The following CTIF variants were observed in gnomAD, a reference collection of about 807,000 sequenced individuals.
CTIF encodes cap binding complex dependent translation initiation factor.
CTIF carries 21 observed loss-of-function variants against 66.0 expected under a neutral mutation model. That is an observed-to-expected ratio of 0.32 (90% CI 0.23 to 0.46). The LOEUF is 0.46. Among genes scored for constraint, CTIF ranks in the 20% least tolerant of loss-of-function variants. CTIF has a pLI of 1.00. For missense variants in CTIF, 739 were observed against 812.7 expected, an observed-to-expected ratio of 0.91 and a Z score of 1.10; for synonymous variants, 345 against 326.4, an observed-to-expected ratio of 1.06 and a Z score of -0.62.
intron 3 of CTIF, among the ~76,000 whole-genome samples, chr18:48,647,022 C>G (rs75358292): frequency 0.027 from 4,010 of 151,166 alleles, 60 homozygotes; most frequent in Middle Eastern, 0.055. Flanking sequence ...AAAACTTGTA[C>G]TCAACTGTTT....
chr18:48,625,725 C>T (rs1023451096), intron 2 of CTIF, among the ~76,000 whole-genome samples: 1 of 152,192 alleles, frequency 6.6e-6, no homozygotes, highest in Non-Finnish European at 1.5e-5. Flanking sequence ...CCCAGTTGTC[C>T]ATAGCATGGA....
intron 10 of CTIF, among the ~76,000 whole-genome samples, chr18:48,841,419 C>T (rs1371379409): frequency 2.0e-5 from 3 of 152,202 alleles, no homozygotes. Context: ...CTCGTGGCCC[C>T]GGCTCAGCCC....
chr18:48,557,770 T>C (rs2089056858), intron 1 of CTIF, among the ~76,000 whole-genome samples: 1 of 152,256 alleles, frequency 6.6e-6, no homozygotes, highest in Non-Finnish European at 1.5e-5. Context: ...AGGGCTCTCT[T>C]CCTGCCTTGC....
chr18:48,735,313 A>G (rs1253561264), intron 7 of CTIF, among the ~76,000 whole-genome samples: 1 of 152,160 alleles, frequency 6.6e-6, no homozygotes, highest in Admixed American at 6.5e-5. Context: ...AGCAGAGAAC[A>G]CTGTTAGGAA....
rs182923990 is a variant in CTIF, at chr18:48,847,694, C to T, written c.1528-9894C>T. On this transcript the variant is annotated intron_variant, in intron 10 of 11. Transcript: ENST00000256413. ...GCACTTATCAAAGCTCTTTCACATA[C>T]GTTATTTCAATTGACTCTCCAAACA... Among the ~76,000 whole-genome samples the T allele has an allele frequency of 1.1e-4, 16 of 152,306 alleles. 1 individual carries two copies. The highest frequency in any genetic ancestry group is 7.8e-4 in the Admixed American group (12 of 15,306).
At chr18:48,566,435 G>C (rs765680463) in intron 1 of CTIF, 1 of 152,292 alleles carries the variant, frequency 6.6e-6, no homozygotes, top group Non-Finnish European at 1.5e-5. Flanking sequence ...GTGGGGAAGA[G>C]AGAGAAGGTA....
chr18:48,784,909 T>A (rs1156609944), intron 9 of CTIF, among the ~76,000 whole-genome samples: 1 of 152,224 alleles, frequency 6.6e-6, no homozygotes, highest in Admixed American at 6.5e-5. Context: ...ACCCTCGCTG[T>A]CATCCACACT....
chr18:48,767,805 G>A (rs894835858), intron 9 of CTIF, among the ~76,000 whole-genome samples: 1 of 152,140 alleles, frequency 6.6e-6, no homozygotes, highest in Non-Finnish European at 1.5e-5. Flanking sequence ...AGAGTTTCTG[G>A]CTGGGTCATC....
chr18:48,591,032 C>G (rs568137178), intron 1 of CTIF, among the ~76,000 whole-genome samples: 1 of 152,350 alleles, frequency 6.6e-6, no homozygotes, highest in South Asian at 2.1e-4. Context: ...GGGACCTGCT[C>G]TCTCAGGAAG....
chr18:48,773,851 T>C (rs1910405578), intron 9 of CTIF, among the ~76,000 whole-genome samples: 1 of 151,818 alleles, frequency 6.6e-6, no homozygotes, highest in Non-Finnish European at 1.5e-5. Flanking sequence ...AGAAGGGAGT[T>C]GAGGGGACAG....
chr18:48,571,812 C>T (rs1017880999), intron 1 of CTIF, among the ~76,000 whole-genome samples: 4 of 152,076 alleles, frequency 2.6e-5, no homozygotes, highest in African/African-American at 9.7e-5. Flanking sequence ...CTGGATTAGT[C>T]AGGGTCTCCA....
At chr18:48,648,464 T>C (rs2091092201) in intron 3 of CTIF, among the ~76,000 whole-genome samples, 1 of 68,962 alleles carries the variant, frequency 1.5e-5, no homozygotes, top group Admixed American at 1.9e-4. Context: ...CGTCCTTCGT[T>C]CTGAACACAC....
At chr18:48,628,468 A>G (rs1166401479) in intron 2 of CTIF, among the ~76,000 whole-genome samples, 1 of 152,190 alleles carries the variant, frequency 6.6e-6, no homozygotes, top group Non-Finnish European at 1.5e-5. Context: ...TGTTGTTATT[A>G]TTACCATCTT....
At chr18:48,771,631 A>G (rs936821031) in intron 9 of CTIF, among the ~76,000 whole-genome samples, 12 of 152,082 alleles carry the variant, frequency 7.9e-5, no homozygotes, top group Non-Finnish European at 1.8e-4. Flanking sequence ...TGAGGCTGCC[A>G]CGCCGAAGCA....
At chr18:48,850,436 A>G (rs552648364) in intron 10 of CTIF, among the ~76,000 whole-genome samples, 7 of 152,348 alleles carry the variant, frequency 4.6e-5, no homozygotes, top group South Asian at 2.1e-4. Context: ...TGAGAGAGCT[A>G]GTCGGCCCTC....
At chr18:48,552,359 G>C (rs920198002) in intron 1 of CTIF, among the ~76,000 whole-genome samples, 2 of 152,190 alleles carry the variant, frequency 1.3e-5, no homozygotes, top group African/African-American at 2.4e-5. Context: ...AGAACTGTGT[G>C]GAAATTTCTG....
intron 6 of CTIF, among the ~76,000 whole-genome samples, chr18:48,672,042 C>T (rs1355575991): frequency 1.2e-5 from 1 of 83,174 alleles, no homozygotes; most frequent in East Asian, 2.8e-4. Context: ...TTCTGATTAT[C>T]AGCAAGAGTT....
chr18:48,825,839 T>C (rs2068572060), intron 10 of CTIF, among the ~76,000 whole-genome samples: 2 of 152,208 alleles, frequency 1.3e-5, no homozygotes, highest in African/African-American at 4.8e-5. Flanking sequence ...TCAGACCCCT[T>C]CTTCAACCAA....
intron 10 of CTIF, among the ~76,000 whole-genome samples, chr18:48,838,636 C>G (rs1370848184): frequency 6.6e-6 from 1 of 152,188 alleles, no homozygotes; most frequent in Non-Finnish European, 1.5e-5. Flanking sequence ...TTGTCTCCCT[C>G]GGGGCCAACA....
Sources: allele counts gnomAD v4.1 joint callset (sites outside exome capture counted in the v4.1 genomes callset), GRCh38; gene constraint gnomAD v4.1.1; transcripts MANE v1.5; gene names NCBI Gene and HGNC (gene_info 2026-07-23, HGNC 2026-07-21).